AP4S1: variants seen among roughly 807,000 people sequenced by gnomAD.
AP4S1 encodes adaptor related protein complex 4 subunit sigma 1, also known as AP-4 complex subunit sigma-1.
AP4S1 carries 23 observed loss-of-function variants against 19.8 expected under a neutral mutation model. The observed-to-expected ratio is 1.16, with a 90% confidence interval of 0.84 to 1.65. AP4S1 has a LOEUF of 1.65. Among genes scored for constraint, AP4S1 ranks in the 40% most tolerant of loss-of-function variants. The probability of loss-of-function intolerance (pLI) is 0.00; values close to 1 mark genes in which losing one functional copy is unlikely to be tolerated. For synonymous variants in AP4S1, 46 were observed against 54.1 expected (o/e 0.85, Z 0.66); for missense variants, 166 against 172.8 (o/e 0.96, Z 0.22).
rs533194453 is a variant in AP4S1 at position 31,093,281 on chromosome 14, A to G, written c.*246A>G. 21 of 317,190 alleles carry G rather than the reference A, an allele frequency of 6.6e-5. No individual in the cohort carries two copies. Among genetic ancestry groups the G allele is most frequent in the Non-Finnish European group, 9.1e-5 (16 of 175,700 alleles). The allele number at this position is 317,190 out of a possible 1,614,324, so 19.6% of individuals were successfully genotyped here. On this transcript the variant is annotated 3_prime_UTR_variant, in exon 6 of 6. Coordinates refer to ENST00000542754, the MANE Select transcript of AP4S1 (RefSeq NM_001128126.3). The stretch of plus-strand genomic sequence containing the variant: ...AGTTTTATTTTCTAATTGTAAACAT[A>G]TCTGTCGCACTTTAAATTCTGTTGA...
chr14:31,047,586 T>G lies in AP4S1; in HGVS notation c.-71-18540T>G, dbSNP rs545287170. On this transcript the variant is annotated intron_variant, in intron 1 of 5. Transcript: ENST00000542754. ...TTTTATGGTTTTTTTTAGTAGAGAC[T>G]GGGTTTCACTGTGTTAGCCAGGATG... Among the ~76,000 whole-genome samples the G allele has an allele frequency of 5.3e-5, 8 of 151,946 alleles. No individual in the cohort carries two copies. In the East Asian group the frequency reaches 9.7e-4, roughly 18 times the overall value.
chr14:31,042,946 G>A (rs954362233), intron 1 of AP4S1, among the ~76,000 whole-genome samples: 4 of 152,144 alleles, frequency 2.6e-5, no homozygotes, highest in African/African-American at 7.2e-5. Context: ...GGGCACAGTG[G>A]CTCATGCCTG....
chr14:31,029,008 A>G (rs537080550), intron 1 of AP4S1, among the ~76,000 whole-genome samples: 2 of 152,214 alleles, frequency 1.3e-5, no homozygotes, highest in Non-Finnish European at 2.9e-5. Context: ...TGGATTTCTT[A>G]TCCTTTTTGT....
chr14:31,053,739 G>GTAACCT (rs1885948053), intron 1 of AP4S1, among the ~76,000 whole-genome samples: 1 of 151,542 alleles, frequency 6.6e-6, no homozygotes, highest in South Asian at 2.1e-4. Flanking sequence ...CTGGCCTTTA[G>GTAACCT]TAACCTTTTA....
At position 31,072,910 on chromosome 14, in the gene AP4S1, G is replaced by A; in HGVS notation, c.231G>A (p.Glu77=). The change falls in exon 4 of 6, where the codon GAG becomes GAA. Residue 77 remains glutamate, a synonymous_variant. Coordinates refer to ENST00000542754, the MANE Select transcript of AP4S1 (RefSeq NM_001128126.3). ...CCTTTCTTCTTTTATTGTAGAACGA[G>A]ATGGCTATTTATGAATTCATTCATA... ...IVVGVNDTEN[E]MAIYEFIHNF... The A allele has an allele frequency of 6.2e-7, 1 of 1,612,908 alleles. No homozygotes were observed. Among genetic ancestry groups the A allele is most frequent in the African/African-American group, 1.3e-5 (1 of 74,994 alleles).
chr14:31,026,321 C>T, intron 1 of AP4S1: 3 of 957,122 alleles, frequency 3.1e-6, no homozygotes, highest in South Asian at 2.4e-5. Context: ...TGCTGTGTGC[C>T]TGCCGTGGGT....
intron 1 of AP4S1, among the ~76,000 whole-genome samples, chr14:31,034,470 G>T (rs957475923): frequency 6.6e-6 from 1 of 151,842 alleles, no homozygotes; most frequent in Non-Finnish European, 1.5e-5. Context: ...ACTTTTTTTG[G>T]GGGGGAAACA....
chr14:31,082,237 A>T (rs1318776768), intron 5 of AP4S1, among the ~76,000 whole-genome samples: 1 of 152,192 alleles, frequency 6.6e-6, no homozygotes, highest in Non-Finnish European at 1.5e-5. Flanking sequence ...AAGGGACTAT[A>T]GATCCCTTTG....
At chr14:31,089,093 G>A (rs1201173500) in intron 5 of AP4S1, among the ~76,000 whole-genome samples, 1 of 150,692 alleles carries the variant, frequency 6.6e-6, no homozygotes, top group East Asian at 2.0e-4. Flanking sequence ...ACAGGAGGTC[G>A]AGGCTGCAGT....
At chr14:31,045,964 ATT>A (rs34459906) in intron 1 of AP4S1, among the ~76,000 whole-genome samples, 145 of 130,530 alleles carry the variant, frequency 1.1e-3, no homozygotes, top group Middle Eastern at 3.9e-3. Flanking sequence ...AAGGAGCTAG[ATT>A]TTTTTTTTTT....
At chr14:31,089,917 TAAA>T (rs371162386) in intron 5 of AP4S1, among the ~76,000 whole-genome samples, 6 of 152,192 alleles carry the variant, frequency 3.9e-5, no homozygotes, top group Admixed American at 6.5e-5. Context: ...AAGCTGCGTC[TAAA>T]AAAAGATAAA....
intron 1 of AP4S1, among the ~76,000 whole-genome samples, chr14:31,064,838 C>T (rs1399316420): frequency 6.6e-6 from 1 of 152,118 alleles, no homozygotes; most frequent in Non-Finnish European, 1.5e-5. Flanking sequence ...GCCTATAATC[C>T]TAGCTATTCA....
In AP4S1 at chr14:31,093,691, C is replaced by G. The variant is rs1236236033; in HGVS notation, c.*656C>G. 1 of 152,302 alleles carries G rather than the reference C, an allele frequency of 6.6e-6. No homozygotes were observed. The highest frequency in any genetic ancestry group is 1.5e-5 in the Non-Finnish European group (1 of 68,188). 9.4% of individuals were successfully genotyped at this position (152,302 alleles called of 1,614,324 possible). On this transcript the variant is annotated 3_prime_UTR_variant, in exon 6 of 6. Coordinates refer to ENST00000542754, the MANE Select transcript of AP4S1 (RefSeq NM_001128126.3). ...AAACTCCTGACCTCAGGTGATCTGC[C>G]TGCCTCAGCCTCCCAGAACGCTGGG... is the stretch of plus-strand genomic sequence containing the variant.
intron 2 of AP4S1, among the ~76,000 whole-genome samples, chr14:31,066,688 G>T (rs1376630443): frequency 6.6e-6 from 1 of 152,096 alleles, no homozygotes; most frequent in African/African-American, 2.4e-5. Context: ...CCTGTATCAG[G>T]TAGCTTTCTA....
At chr14:31,080,693 A>G (rs1443626127) in intron 5 of AP4S1, 109 bp downstream of exon 5, 2 of 1,487,626 alleles carry the variant, frequency 1.3e-6, no homozygotes. Flanking sequence ...CAGAGTGTTC[A>G]TCACCAACAA....
intron 1 of AP4S1, among the ~76,000 whole-genome samples, chr14:31,047,633 G>T (rs2139478790): frequency 6.6e-6 from 1 of 152,118 alleles, no homozygotes; most frequent in African/African-American, 2.4e-5. Flanking sequence ...CTGACCTTGT[G>T]ATTCGCCCGC....
At chr14:31,025,887 C>T in intron 1 of AP4S1, 100 bp downstream of exon 1, 3 of 1,594,074 alleles carry the variant, frequency 1.9e-6, no homozygotes, top group East Asian at 4.6e-5. Context: ...TCCCGCACAC[C>T]GACCCCAACG....
Position 31,093,825 on chromosome 14 carries a change from G to GT in AP4S1, c.*796dup, listed in dbSNP as rs1888137710. On this transcript the variant is annotated 3_prime_UTR_variant, in exon 6 of 6. Coordinates refer to ENST00000542754, the MANE Select transcript of AP4S1 (RefSeq NM_001128126.3). ...GTTTTTTTGTTTGTTTTTTTGTTTTGTTTTTTAAGACGGAGTCTTGCTCTG... is the reference window on the plus strand; with the variant it reads ...GTTTTTTTGTTTGTTTTTTTGTTTTGTTTTTTTAAGACGGAGTCTTGCTCTG... 1.3e-5 allele frequency: 2 copies of GT among 152,284 alleles called. No homozygotes were observed. The highest frequency in any genetic ancestry group is 2.4e-5 in the African/African-American group (1 of 41,474). 9.4% of individuals were successfully genotyped at this position (152,284 alleles called of 1,614,324 possible).
chr14:31,069,178 T>C (rs1281206690), intron 2 of AP4S1, among the ~76,000 whole-genome samples: 1 of 152,092 alleles, frequency 6.6e-6, no homozygotes, highest in African/African-American at 2.4e-5. Flanking sequence ...CCATAACTCT[T>C]TGTACAAAGG....
Sources: gnomAD v4.1 joint callset for allele counts (sites outside exome capture counted in the v4.1 genomes callset) on GRCh38, gnomAD v4.1.1 for gene constraint, MANE v1.5 for transcripts, NCBI Gene and HGNC (gene_info 2026-07-23, HGNC 2026-07-21) for gene names.